Variants in LRBA observed in about 807,000 individuals in gnomAD.
LRBA encodes lipopolysaccharide-responsive and beige-like anchor protein.
A neutral mutation model predicts 330.0 loss-of-function variants in LRBA; 176 were observed. The ratio of observed to expected loss-of-function variants is 0.53; its 90% CI spans 0.47 to 0.60. The LOEUF (loss-of-function observed/expected upper bound fraction) is 0.60. Ranked by LOEUF, LRBA falls within the 20% of genes least tolerant of loss-of-function variation. The pLI, the probability that LRBA is intolerant of heterozygous loss-of-function variation, is 0.00. For missense variants in LRBA, 3,259 were observed against 3,444.8 expected (o/e 0.95, Z 1.35); for synonymous variants, 1,230 against 1,193.0 (o/e 1.03, Z -0.64).
chr4:150,417,072 T>A (rs1182818398), intron 46 of LRBA, among the ~76,000 whole-genome samples: 1 of 152,104 alleles, frequency 6.6e-6, no homozygotes, highest in African/African-American at 2.4e-5. Context: ...ACCTACACAG[T>A]ATATGCAGTG....
At chr4:150,916,837 A>C in intron 5 of LRBA, 99 bp from the exon 6 acceptor site, 2 of 898,658 alleles carry the variant, frequency 2.2e-6, no homozygotes, top group Non-Finnish European at 3.3e-6. Context: ...TTTGTACTAC[A>C]TCACATTACT....
At position 150,928,587 on chromosome 4, in the gene LRBA, C is replaced by T. The variant is rs61746090; in HGVS notation, c.478G>A (p.Ala160Thr). ...TCGCGAACTGTCAAATTATAGCTAG[C>T]CAGCACTCCCAACATGTCAACCAAA... ...DLLVDMLGVL[A>T]SYNLTVRELK... The change falls in exon 4 of 57, where the codon GCT (alanine) becomes ACT (threonine). Residue 160 changes from alanine to threonine, a missense_variant. Transcript: ENST00000651943. 6.2e-7 allele frequency: 1 copy of T among 1,613,602 alleles called. No homozygotes were observed.
At chr4:150,666,780 T>C (rs1781599827) in intron 37 of LRBA, among the ~76,000 whole-genome samples, 1 of 152,226 alleles carries the variant, frequency 6.6e-6, no homozygotes, top group African/African-American at 2.4e-5. Flanking sequence ...GTTTATTGTA[T>C]GTCAATTGTA....
At chr4:150,736,016 G>C (rs1731137532) in intron 35 of LRBA, among the ~76,000 whole-genome samples, 1 of 152,094 alleles carries the variant, frequency 6.6e-6, no homozygotes. Context: ...AAAAAAATCA[G>C]AAATACCAAT....
intron 29 of LRBA, among the ~76,000 whole-genome samples, chr4:150,829,693 TA>T (rs1746864242): frequency 6.6e-6 from 1 of 152,232 alleles, no homozygotes; most frequent in African/African-American, 2.4e-5. Flanking sequence ...TTGTTCCTCT[TA>T]TGTTCTCTGT....
At chr4:150,946,718 C>A (rs72719702) in intron 2 of LRBA, among the ~76,000 whole-genome samples, 167 of 151,686 alleles carry the variant, frequency 1.1e-3, no homozygotes, top group Non-Finnish European at 1.7e-3. Context: ...CCAAAACAAG[C>A]AGAAAGAAGG....
chr4:151,005,536 G>A (rs1443854221), intron 2 of LRBA, among the ~76,000 whole-genome samples: 2 of 140,414 alleles, frequency 1.4e-5, no homozygotes, highest in Non-Finnish European at 3.0e-5. Context: ...GATTATAAGA[G>A]ACTTTTGAAA....
At chr4:150,526,484 G>T (rs1327397144) in intron 40 of LRBA, among the ~76,000 whole-genome samples, 1 of 152,072 alleles carries the variant, frequency 6.6e-6, no homozygotes, top group African/African-American at 2.4e-5. Context: ...TTTGATAAGG[G>T]GGATTGTGGG....
intron 34 of LRBA, among the ~76,000 whole-genome samples, chr4:150,767,840 G>A (rs558629782): frequency 6.6e-6 from 1 of 150,838 alleles, no homozygotes; most frequent in South Asian, 2.1e-4. Flanking sequence ...GAGGTGGGCA[G>A]ACCAGGAGGT....
intron 34 of LRBA, among the ~76,000 whole-genome samples, chr4:150,774,287 TAAG>T (rs1736972760): frequency 6.6e-6 from 1 of 152,176 alleles, no homozygotes; most frequent in Admixed American, 6.5e-5. Context: ...TCACTTGTGA[TAAG>T]AATTTGGCAT....
rs1406179844 is a variant in LRBA at position 150,372,824 on chromosome 4, TCTC to T, written c.7195-22668_7195-22666del. 6.7e-5 allele frequency among the ~76,000 whole-genome samples: 10 copies of T among 149,418 alleles called. No homozygotes were observed. In the Admixed American group the frequency reaches 6.7e-4, roughly 10 times the overall value. On this transcript the variant is annotated intron_variant, in intron 47 of 56. Transcript: ENST00000651943. ...CCAAGATGGCCCTTGATGATTTTCA[TCTC>T]CTATACTAAGTACAGCTGACCTGTG...
At chr4:150,727,143 A>G (rs1301925036) in intron 36 of LRBA, among the ~76,000 whole-genome samples, 1 of 127,904 alleles carries the variant, frequency 7.8e-6, no homozygotes, top group East Asian at 2.3e-4. Context: ...CATGATTCTC[A>G]GCTCACCGCA....
rs115894228 is a variant in LRBA, at chr4:150,773,446, T to A, written c.5581-11599A>T. ...GCTCAAGCATTGAAACCACATCTGG[T>A]ACAGCAGCAGTACTTGGAGTTACCA... On this transcript the variant is annotated intron_variant, in intron 34 of 56. Transcript: ENST00000651943. Among the ~76,000 whole-genome samples the A allele has an allele frequency of 4.3e-3, 651 of 152,350 alleles. 4 individuals are homozygous for A. Among genetic ancestry groups the A allele is most frequent in the African/African-American group, 0.015 (630 of 41,584 alleles).
In LRBA at chr4:150,852,859, A is replaced by G; in HGVS notation, c.2851T>C (p.Ser951Pro). Reference protein sequence around the residue: ...GKVDEEIGLCSSTSVQAASGI... With the variant: ...GKVDEEIGLCPSTSVQAASGI... ...GAGGCTGCTTGAACTGAAGTTGAAG[A>G]ACACAGCCCTATTTCTTCATCAACT... Residue 951 changes from serine (S) to proline (P), a missense_variant, in exon 23 of 57, where the codon TCT becomes CCT. Physicochemically the swap from Ser to Pro is moderately conservative, Grantham distance 74 (BLOSUM62 -1). Transcript: ENST00000651943. The G allele has an allele frequency of 6.2e-7, 1 of 1,613,080 alleles. No individual in the cohort carries two copies. Among genetic ancestry groups the G allele is most frequent in the Non-Finnish European group, 8.5e-7 (1 of 1,179,442 alleles).
At chr4:151,013,479 C>T (rs979954849) in intron 2 of LRBA, 8 of 152,148 alleles carry the variant, frequency 5.3e-5, no homozygotes, top group African/African-American at 1.7e-4. Flanking sequence ...CTAGCCTAGG[C>T]AACAGAGTGA....
intron 56 of LRBA, among the ~76,000 whole-genome samples, chr4:150,271,108 G>A (rs1033302136): frequency 3.9e-5 from 6 of 152,078 alleles, no homozygotes; most frequent in Non-Finnish European, 5.9e-5. Flanking sequence ...ACAAGGGGTC[G>A]GGGAATTCCC....
chr4:150,324,718 C>T (rs1328974182), intron 49 of LRBA, among the ~76,000 whole-genome samples: 1 of 152,068 alleles, frequency 6.6e-6, no homozygotes. Context: ...GCTATCTCTA[C>T]ACCACAACAT....
chr4:150,386,027 C>T (rs1206451432), intron 47 of LRBA, among the ~76,000 whole-genome samples: 2 of 152,072 alleles, frequency 1.3e-5, no homozygotes, highest in Non-Finnish European at 2.9e-5. Flanking sequence ...TTTCTACTGC[C>T]GATGGGTTAC....
chr4:150,358,474 A>T (rs1738196066), intron 47 of LRBA, among the ~76,000 whole-genome samples: 1 of 152,136 alleles, frequency 6.6e-6, no homozygotes. Context: ...TCCAAACATG[A>T]TGCTGTAATA....
Sources: gnomAD v4.1 joint callset for allele counts (sites outside exome capture counted in the v4.1 genomes callset) on GRCh38, gnomAD v4.1.1 for gene constraint, MANE v1.5 for transcripts, NCBI Gene and HGNC (gene_info 2026-07-23, HGNC 2026-07-21) for gene names.